The following N4BP2 variants were observed in gnomAD, a reference collection of about 807,000 sequenced individuals.
N4BP2 encodes the protein NEDD4-binding protein 2.
In N4BP2, 91 loss-of-function variants were observed where a neutral mutation model predicts 152.8. The ratio of observed to expected loss-of-function variants is 0.60; its 90% CI spans 0.50 to 0.71. N4BP2 has a LOEUF of 0.71. Among genes scored for constraint, N4BP2 ranks in the 30% least tolerant of loss-of-function variants. The probability of loss-of-function intolerance (pLI) is 0.00; values close to 1 mark genes in which losing one functional copy is unlikely to be tolerated. For synonymous variants in N4BP2, 646 were observed against 705.3 expected (o/e 0.92, Z 1.33); for missense variants, 1,923 against 2,059.1 (o/e 0.93, Z 1.28).
chr4:40,088,947 T>G (rs781499225), intron 2 of N4BP2, among the ~76,000 whole-genome samples: 2 of 150,902 alleles, frequency 1.3e-5, no homozygotes, highest in African/African-American at 4.9e-5. Flanking sequence ...TTATTTTTTG[T>G]TTTTTTTGTG....
chr4:40,175,829 G>A, the N4BP2 span, among the ~76,000 whole-genome samples: 250 of 143,712 alleles, frequency 1.7e-3, no homozygotes, highest in Middle Eastern at 0.019. Flanking sequence ...AAAAAAAAAG[G>A]CCTGTATTCC....
At position 40,102,720 on chromosome 4, in the gene N4BP2, A is replaced by G; in HGVS notation, c.875A>G (p.Gln292Arg). Residue 292 changes from glutamine (Q) to arginine (R), a missense_variant, in exon 4 of 18, where the codon CAG (glutamine) becomes CGG (arginine). Coordinates refer to ENST00000261435, the MANE Select transcript of N4BP2 (RefSeq NM_018177.6). Reference sequence around the variant, plus strand: ...GTAGATTTGGATGCCAGTGAACCTCAGGCTTGTTTAAACCTTCCAGGGCTT... The same window carrying G: ...GTAGATTTGGATGCCAGTGAACCTCGGGCTTGTTTAAACCTTCCAGGGCTT... ...APVDLDASEP[Q>R]ACLNLPGLDL... is the part of the protein sequence containing the mutation. The G allele has an allele frequency of 6.2e-7, 1 of 1,614,180 alleles. No individual in the cohort carries two copies.
chr4:40,182,604 C>T, the N4BP2 span, among the ~76,000 whole-genome samples: 3 of 152,038 alleles, frequency 2.0e-5, no homozygotes, highest in Non-Finnish European at 4.4e-5. Context: ...TGCACGCCAC[C>T]ATGCCGGGCT....
chr4:40,175,723 G>C, the N4BP2 span, among the ~76,000 whole-genome samples: 1 of 146,788 alleles, frequency 6.8e-6, no homozygotes, highest in Admixed American at 7.0e-5. Flanking sequence ...CAGGAAAATC[G>C]CTCTCAAACT....
At position 40,092,010 on chromosome 4, in the gene N4BP2, AT is replaced by A. The variant is rs1560584874; in HGVS notation, c.-114-5216del. On this transcript the variant is annotated intron_variant, in intron 2 of 17. Coordinates refer to ENST00000261435, the MANE Select transcript of N4BP2 (RefSeq NM_018177.6). Reference sequence around the variant, plus strand: ...AAAAAAAAAAAAAAAAAAAAAAATTATATATATATATATATATATATATATA... The same window carrying A: ...AAAAAAAAAAAAAAAAAAAAAAATTAATATATATATATATATATATATATA... 6.6e-3 allele frequency among the ~76,000 whole-genome samples: 207 copies of A among 31,348 alleles called. 1 individual carries two copies. The highest frequency in any genetic ancestry group is 8.5e-3 in the Non-Finnish European group (131 of 15,360). The allele number at this position is 31,348 out of a possible 152,430, so 20.6% of individuals were successfully genotyped here.
At chr4:40,109,185 T>C (rs1333108578) in intron 5 of N4BP2, among the ~76,000 whole-genome samples, 1 of 152,186 alleles carries the variant, frequency 6.6e-6, no homozygotes, top group Non-Finnish European at 1.5e-5. Context: ...TTGTTAAATT[T>C]TTATATATTC....
chr4:40,121,759 G>T lies in N4BP2; in HGVS notation c.3648G>T (p.Ser1216=), dbSNP rs777145206. 24 of 1,613,658 alleles carry T rather than the reference G, an allele frequency of 1.5e-5. No individual in the cohort carries two copies. The highest frequency in any genetic ancestry group is 1.9e-5 in the Non-Finnish European group (23 of 1,179,958). The change falls in exon 9 of 18, where the codon TCG becomes TCT. Residue 1216 remains serine (S), a synonymous_variant. Transcript: ENST00000261435. ...CTGTCACTCCTGAAAACCATGAATC[G>T]ATGACAAGTATATTTCCCAGTGCTG... ...MRAVTPENHE[S]MTSIFPSAAV... is the part of the protein sequence containing the mutation.
intron 2 of N4BP2, among the ~76,000 whole-genome samples, chr4:40,087,056 A>AT (rs1714041234): frequency 6.6e-6 from 1 of 152,048 alleles, no homozygotes; most frequent in South Asian, 2.1e-4. Context: ...GTGTAATTAC[A>AT]TTTTTTGCTA....
chr4:40,158,572 C>T (rs933740954), downstream of N4BP2, among the ~76,000 whole-genome samples: 16 of 152,016 alleles, frequency 1.1e-4, no homozygotes, highest in Non-Finnish European at 1.5e-5. Flanking sequence ...CTGAGACGGG[C>T]AGGTTGCTTG....
chr4:40,184,093 A>T, the N4BP2 span, among the ~76,000 whole-genome samples: 1 of 152,178 alleles, frequency 6.6e-6, no homozygotes, highest in African/African-American at 2.4e-5. Flanking sequence ...AGACATCATG[A>T]TTCACCCCCT....
At chr4:40,107,351 C>T (rs1361599494) in intron 5 of N4BP2, among the ~76,000 whole-genome samples, 1 of 151,976 alleles carries the variant, frequency 6.6e-6, no homozygotes, top group Non-Finnish European at 1.5e-5. Flanking sequence ...GCTGAGTTTG[C>T]AGAAGTGAGC....
Position 40,122,257 on chromosome 4 carries a change from T to G in N4BP2, c.4146T>G (p.Pro1382=), listed in dbSNP as rs1392325238. 1.3e-6 allele frequency: 2 copies of G among 1,594,104 alleles called. No homozygotes were observed. The highest frequency in any genetic ancestry group is 1.7e-6 in the Non-Finnish European group (2 of 1,169,508). Residue 1382 remains proline (P), a synonymous_variant, in exon 9 of 18, where the codon CCT becomes CCG. Transcript: ENST00000261435. The stretch of plus-strand genomic sequence containing the variant: ...ACTGTCTGGAATTGGCATTACCCCC[T>G]GAACTGGCTTTTCAACTTAATGAAT... ...TIDCLELALP[P]ELAFQLNELF...
intron 12 of N4BP2, among the ~76,000 whole-genome samples, chr4:40,129,015 C>CT (rs984473197): frequency 1.3e-5 from 2 of 151,554 alleles, no homozygotes; most frequent in African/African-American, 2.4e-5. Flanking sequence ...CAACTTACTC[C>CT]TTTTTTTTGC....
chr4:40,102,170 G>A lies in N4BP2; in HGVS notation c.325G>A (p.Val109Ile), dbSNP rs768189944. 2 of 1,613,796 alleles carry A rather than the reference G, an allele frequency of 1.2e-6. No individual in the cohort carries two copies. Among genetic ancestry groups the A allele is most frequent in the South Asian group, 1.1e-5 (1 of 91,056 alleles). The change falls in exon 4 of 18, where the codon GTA becomes ATA. Residue 109 changes from valine to isoleucine, a missense_variant. Coordinates refer to ENST00000261435, the MANE Select transcript of N4BP2 (RefSeq NM_018177.6). Reference protein sequence around the residue: ...SQSFVASENQVGAAESKIMEK... With the variant: ...SQSFVASENQIGAAESKIMEK... ...AAGTTTCGTTGCTTCTGAGAACCAAGTAGGTGCAGCAGAAAGTAAAATAAT... is the reference window on the plus strand; with the variant it reads ...AAGTTTCGTTGCTTCTGAGAACCAAATAGGTGCAGCAGAAAGTAAAATAAT...
Position 40,152,838 on chromosome 4 carries a change from C to T in N4BP2, c.5202C>T (p.His1734=), listed in dbSNP as rs754230653. ...YLSVITGRGN[H]SQGGVARIKP... ...CTGTGATTACGGGGAGAGGAAACCA[C>T]AGCCAGGGAGGAGTTGCTCGCATCA... is the stretch of plus-strand genomic sequence containing the variant. Residue 1734 remains histidine (H), a synonymous_variant, in exon 17 of 18, where the codon CAC becomes CAT. Transcript: ENST00000261435. 1.6e-5 allele frequency: 26 copies of T among 1,614,036 alleles called. No individual in the cohort carries two copies. Among genetic ancestry groups the T allele is most frequent in the Non-Finnish European group, 2.2e-5 (26 of 1,179,912 alleles).
At chr4:40,179,249 A>G in the N4BP2 span, among the ~76,000 whole-genome samples, 1 of 152,152 alleles carries the variant, frequency 6.6e-6, no homozygotes, top group Non-Finnish European at 1.5e-5. Context: ...TGACGCCTGT[A>G]GTCCCAGCTA....
Position 40,156,406 on chromosome 4 carries a change from TAAATC to T in N4BP2, c.*2174_*2178del, listed in dbSNP as rs1489946285. ...ATGTTAATATTATGCCTTATTTTGA[TAAATC>T]AAATAGTATATCTTAATCATTGTTG... On this transcript the variant is annotated 3_prime_UTR_variant, in exon 18 of 18. Coordinates refer to ENST00000261435, the MANE Select transcript of N4BP2 (RefSeq NM_018177.6). The T allele has an allele frequency of 3.9e-5, 6 of 152,320 alleles. No individual in the cohort carries two copies. The highest frequency in any genetic ancestry group is 2.1e-4 in the South Asian group (1 of 4,832). 9.4% of individuals were successfully genotyped at this position (152,320 alleles called of 1,614,324 possible).
At chr4:40,106,676 G>A (rs1030863260) in intron 4 of N4BP2, among the ~76,000 whole-genome samples, 1 of 152,100 alleles carries the variant, frequency 6.6e-6, no homozygotes, top group Non-Finnish European at 1.5e-5. Flanking sequence ...AGCCTCCCTA[G>A]TAGCTGGGAC....
intron 2 of N4BP2, among the ~76,000 whole-genome samples, chr4:40,095,295 C>G (rs778277698): frequency 6.6e-6 from 1 of 151,746 alleles, no homozygotes; most frequent in Non-Finnish European, 1.5e-5. Flanking sequence ...TGGCCAGGCC[C>G]GTCTCAAACT....
Sources: allele counts gnomAD v4.1 joint callset (sites outside exome capture counted in the v4.1 genomes callset), GRCh38; gene constraint gnomAD v4.1.1; transcripts MANE v1.5; gene names NCBI Gene and HGNC (gene_info 2026-07-23, HGNC 2026-07-21).